Variants in KCTD8 observed in about 807,000 individuals in gnomAD.
KCTD8 encodes the protein BTB/POZ domain-containing protein KCTD8.
Under a neutral mutation model 31.5 loss-of-function variants are expected in KCTD8, and 27 were observed. That is an observed-to-expected ratio of 0.86 (90% CI 0.63 to 1.18). The LOEUF (loss-of-function observed/expected upper bound fraction) is 1.18, where lower values mean the gene tolerates loss of function less well. KCTD8 is among the 50% of genes most tolerant of loss of function. The pLI, the probability that KCTD8 is intolerant of heterozygous loss-of-function variation, is 0.00. For synonymous variants in KCTD8, 290 were observed against 280.0 expected, an observed-to-expected ratio of 1.04 and a Z score of -0.36; for missense variants, 658 against 647.7, an observed-to-expected ratio of 1.02 and a Z score of -0.17.
At chr4:44,338,976 C>A (rs1245739208) in intron 1 of KCTD8, among the ~76,000 whole-genome samples, 1 of 152,140 alleles carries the variant, frequency 6.6e-6, no homozygotes, top group Non-Finnish European at 1.5e-5. Flanking sequence ...CTGAGCCTCA[C>A]TGACTTTCTC....
chr4:44,414,408 T>G (rs1224989564), intron 1 of KCTD8, among the ~76,000 whole-genome samples: 1 of 152,138 alleles, frequency 6.6e-6, no homozygotes. Context: ...CAATGACCAA[T>G]TGATTTCCAG....
intron 1 of KCTD8, among the ~76,000 whole-genome samples, chr4:44,338,670 A>G (rs1276736420): frequency 6.6e-6 from 1 of 152,194 alleles, no homozygotes; most frequent in Non-Finnish European, 1.5e-5. Context: ...AAAAACTTTT[A>G]CAAAATATTA....
chr4:44,244,142 C>A (rs1715583687), intron 1 of KCTD8, among the ~76,000 whole-genome samples: 1 of 152,118 alleles, frequency 6.6e-6, no homozygotes, highest in Admixed American at 6.5e-5. Flanking sequence ...ACCTGGCAAC[C>A]CTATTCCGAG....
intron 1 of KCTD8, among the ~76,000 whole-genome samples, chr4:44,291,191 ACTAATTAGGAAGT>A (rs1234783047): frequency 6.6e-6 from 1 of 152,098 alleles, no homozygotes; most frequent in African/African-American, 2.4e-5. Context: ...CTATATGAAC[ACTAATTAGGAAGT>A]CTAGAGGAAA....
chr4:44,202,703 A>G (rs1714186764), intron 1 of KCTD8, among the ~76,000 whole-genome samples: 2 of 152,152 alleles, frequency 1.3e-5, no homozygotes, highest in African/African-American at 4.8e-5. Flanking sequence ...TGATAGGATC[A>G]CCTGTACTCA....
Position 44,279,718 on chromosome 4 carries a change from C to T in KCTD8, c.962-104468G>A, listed in dbSNP as rs113192801. On this transcript the variant is annotated intron_variant, in intron 1 of 1. Coordinates refer to ENST00000360029, the MANE Select transcript of KCTD8 (RefSeq NM_198353.3). ...AGGATCAAGTAAGTAAACACATATGCAGGGTGCAGGGTCTTTATGGTGCCA... is the reference window on the plus strand; with the variant it reads ...AGGATCAAGTAAGTAAACACATATGTAGGGTGCAGGGTCTTTATGGTGCCA... 7.4e-3 allele frequency among the ~76,000 whole-genome samples: 1,133 copies of T among 152,108 alleles called. 13 individuals are homozygous for T. Among genetic ancestry groups the T allele is most frequent in the African/African-American group, 0.025 (1,056 of 41,516 alleles).
chr4:44,177,274 C>T (rs894204864), intron 1 of KCTD8, among the ~76,000 whole-genome samples: 3 of 152,060 alleles, frequency 2.0e-5, no homozygotes, highest in African/African-American at 4.8e-5. Context: ...AGACAACACC[C>T]TAACCCCACC....
intron 1 of KCTD8, among the ~76,000 whole-genome samples, chr4:44,206,083 ATTAT>A (rs1460434304): frequency 2.6e-5 from 4 of 152,190 alleles, no homozygotes; most frequent in African/African-American, 9.6e-5. Flanking sequence ...GCTTTCTTAG[ATTAT>A]TTATTTTTTT....
chr4:44,219,836 T>C (rs148221866), intron 1 of KCTD8, among the ~76,000 whole-genome samples: 1 of 152,334 alleles, frequency 6.6e-6, no homozygotes, highest in African/African-American at 2.4e-5. Flanking sequence ...TTATTCTAAC[T>C]GTTCCAATGA....
At chr4:44,375,816 G>T (rs1719901818) in intron 1 of KCTD8, among the ~76,000 whole-genome samples, 1 of 152,098 alleles carries the variant, frequency 6.6e-6, no homozygotes, top group Non-Finnish European at 1.5e-5. Context: ...CATATTGTTT[G>T]CCTGTCTTTA....
rs188572834 is a variant in KCTD8 at position 44,195,456 on chromosome 4, T to A, written c.962-20206A>T. 5.3e-5 allele frequency among the ~76,000 whole-genome samples: 8 copies of A among 152,300 alleles called. No homozygotes were observed. The East Asian group carries it at 1.4e-3, about 26-fold the overall frequency. On this transcript the variant is annotated intron_variant, in intron 1 of 1. Transcript: ENST00000360029. ...AATGTGCTGTGACATATTTTGCAAG[T>A]GAAACTGTAAGGTTAAGAGGAAAGA...
At chr4:44,264,253 T>C (rs562945769) in intron 1 of KCTD8, among the ~76,000 whole-genome samples, 2 of 152,346 alleles carry the variant, frequency 1.3e-5, no homozygotes, top group East Asian at 3.9e-4. Context: ...TTAGCTATTC[T>C]TTATAGAATT....
chr4:44,307,263 C>A (rs1041251367), intron 1 of KCTD8, among the ~76,000 whole-genome samples: 1 of 152,000 alleles, frequency 6.6e-6, no homozygotes, highest in Non-Finnish European at 1.5e-5. Context: ...CCTTCCAAGT[C>A]TATGTTCAAG....
In KCTD8 at chr4:44,307,617, G is replaced by C. The variant is rs953670352; in HGVS notation, c.962-132367C>G. Among the ~76,000 whole-genome samples the C allele has an allele frequency of 8.6e-5, 13 of 151,842 alleles. 1 individual carries two copies. The highest frequency in any genetic ancestry group is 3.9e-4 in the Admixed American group (6 of 15,246). The stretch of plus-strand genomic sequence containing the variant: ...TTTATTTCTTTTTTAAGTAGATTTG[G>C]TCATAAAACACGATTGCTTCCACTG... On this transcript the variant is annotated intron_variant, in intron 1 of 1. Transcript: ENST00000360029.
intron 1 of KCTD8, among the ~76,000 whole-genome samples, chr4:44,378,238 A>AATATATATATAT (rs34144469): frequency 2.4e-4 from 34 of 143,752 alleles, no homozygotes; most frequent in African/African-American, 3.5e-4. Context: ...TATATGTATA[A>AATATATATATAT]ATATATATAT....
chr4:44,380,170 C>T (rs961810279), intron 1 of KCTD8, among the ~76,000 whole-genome samples: 1 of 151,664 alleles, frequency 6.6e-6, no homozygotes, highest in Non-Finnish European at 1.5e-5. Context: ...TAAAATTTAC[C>T]TCTTCTTTCA....
intron 1 of KCTD8, among the ~76,000 whole-genome samples, chr4:44,187,879 G>C (rs1713634489): frequency 6.6e-6 from 1 of 151,574 alleles, no homozygotes; most frequent in Admixed American, 6.6e-5. Context: ...CGCCTGTTAT[G>C]CAATACTAAA....
At chr4:44,244,751 C>T (rs1323239235) in intron 1 of KCTD8, among the ~76,000 whole-genome samples, 1 of 151,126 alleles carries the variant, frequency 6.6e-6, no homozygotes, top group African/African-American at 2.4e-5. Flanking sequence ...CAGGAAGTAT[C>T]TAAACAGGCA....
intron 1 of KCTD8, among the ~76,000 whole-genome samples, chr4:44,384,708 T>C (rs894877194): frequency 1.3e-5 from 2 of 151,766 alleles, no homozygotes; most frequent in African/African-American, 4.8e-5. Flanking sequence ...ACATTCTAGT[T>C]ACAGTGTTCT....
Sources: gnomAD v4.1 joint callset for allele counts (sites outside exome capture counted in the v4.1 genomes callset) on GRCh38, gnomAD v4.1.1 for gene constraint, MANE v1.5 for transcripts, NCBI Gene and HGNC (gene_info 2026-07-23, HGNC 2026-07-21) for gene names.